GPHN: variants seen among roughly 807,000 people sequenced by gnomAD.
GPHN encodes gephyrin.
A neutral mutation model predicts 95.5 loss-of-function variants in GPHN; 17 were observed. The ratio of observed to expected loss-of-function variants is 0.18; its 90% CI spans 0.12 to 0.27. The LOEUF (loss-of-function observed/expected upper bound fraction) is 0.27, where lower values mean the gene tolerates loss of function less well. Ranked by LOEUF, GPHN falls within the 10% of genes least tolerant of loss-of-function variation. The pLI, the probability that GPHN is intolerant of heterozygous loss-of-function variation, is 1.00. For synonymous variants in GPHN, 320 were observed against 322.5 expected, an observed-to-expected ratio of 0.99 and a Z score of 0.08; for missense variants, 660 against 978.1, an observed-to-expected ratio of 0.67 and a Z score of 4.34.
the GPHN span, among the ~76,000 whole-genome samples, chr14:67,622,463 T>A: frequency 6.6e-6 from 1 of 152,218 alleles, no homozygotes; most frequent in African/African-American, 2.4e-5. Flanking sequence ...ACCTTGTTTA[T>A]TAAATAATTG....
the GPHN span, among the ~76,000 whole-genome samples, chr14:67,596,258 A>T: frequency 2.2e-5 from 3 of 133,646 alleles, no homozygotes; most frequent in South Asian, 7.2e-4. Flanking sequence ...CCTCCCTAGT[A>T]GCTGGGATTA....
chr14:66,913,563 G>A (rs1435163471), intron 5 of GPHN, among the ~76,000 whole-genome samples: 3 of 151,948 alleles, frequency 2.0e-5, no homozygotes, highest in Non-Finnish European at 2.9e-5. Flanking sequence ...GGCTGGTCTC[G>A]AACTCTGACC....
the GPHN span, chr14:67,726,935 G>A: frequency 6.4e-7 from 1 of 1,562,434 alleles, no homozygotes; most frequent in Non-Finnish European, 8.8e-7. Context: ...TGCTGAGCCT[G>A]GGCTGTCATT....
chr14:67,121,009 G>T (rs1031992761), intron 16 of GPHN, among the ~76,000 whole-genome samples: 20 of 152,172 alleles, frequency 1.3e-4, no homozygotes, highest in African/African-American at 4.6e-4. Context: ...TGAGTCTGAA[G>T]GAAGATTAGG....
the GPHN span, among the ~76,000 whole-genome samples, chr14:67,532,199 C>T: frequency 6.6e-6 from 1 of 152,134 alleles, no homozygotes; most frequent in African/African-American, 2.4e-5. Context: ...TGAGAATGGC[C>T]TGGGGTACTT....
chr14:66,953,960 A>C (rs961343496), intron 8 of GPHN, among the ~76,000 whole-genome samples: 1 of 151,762 alleles, frequency 6.6e-6, no homozygotes, highest in African/African-American at 2.4e-5. Flanking sequence ...ACTTGAACCC[A>C]GGAGGCGGAG....
chr14:67,301,881 A>G, the GPHN span: 1 of 1,325,730 alleles, frequency 7.5e-7, no homozygotes, highest in Non-Finnish European at 1.0e-6. Context: ...TAAAGATTTA[A>G]TGGTCAGAAT....
At chr14:67,431,830 C>G in the GPHN span, among the ~76,000 whole-genome samples, 2,925 of 152,288 alleles carry the variant, frequency 0.019, 100 homozygotes, top group African/African-American at 0.067. Flanking sequence ...AGGGGGCAGT[C>G]AGTGCCCATA....
the GPHN span, among the ~76,000 whole-genome samples, chr14:67,379,844 C>T: frequency 1.3e-5 from 2 of 151,394 alleles, no homozygotes; most frequent in Non-Finnish European, 2.9e-5. Flanking sequence ...TTAGTAGAGA[C>T]GAGGTTTCAC....
At chr14:67,512,643 G>A in the GPHN span, among the ~76,000 whole-genome samples, 4 of 152,110 alleles carry the variant, frequency 2.6e-5, no homozygotes, top group Admixed American at 2.0e-4. Context: ...TACAGTTGCC[G>A]ATAAGACCAA....
At chr14:67,471,082 C>T in the GPHN span, 4 of 152,378 alleles carry the variant, frequency 2.6e-5, no homozygotes, top group South Asian at 8.3e-4. Flanking sequence ...TGAGGGGCAA[C>T]TGGAGAAATG....
chr14:66,917,479 A>G (rs1018503066), intron 6 of GPHN, among the ~76,000 whole-genome samples: 1 of 152,168 alleles, frequency 6.6e-6, no homozygotes, highest in Non-Finnish European at 1.5e-5. Flanking sequence ...TGCATAACCT[A>G]TCCATTCATT....
At chr14:67,076,552 A>G (rs1192440890) in intron 11 of GPHN, among the ~76,000 whole-genome samples, 1 of 152,098 alleles carries the variant, frequency 6.6e-6, no homozygotes, top group African/African-American at 2.4e-5. Flanking sequence ...TATTGTTCCT[A>G]CTGATGGTCA....
intron 8 of GPHN, among the ~76,000 whole-genome samples, chr14:66,925,542 G>C (rs546977658): frequency 1.1e-4 from 17 of 151,888 alleles, no homozygotes; most frequent in Non-Finnish European, 2.4e-4. Context: ...TTGTCTTTTT[G>C]TGCCTGGCTT....
chr14:67,614,695 A>C, the GPHN span, among the ~76,000 whole-genome samples: 1 of 152,120 alleles, frequency 6.6e-6, no homozygotes, highest in South Asian at 2.1e-4. Flanking sequence ...CCAGGAGGTC[A>C]AGGTTGCTGT....
chr14:67,358,411 T>G, the GPHN span, among the ~76,000 whole-genome samples: 1 of 152,158 alleles, frequency 6.6e-6, no homozygotes, highest in Admixed American at 6.5e-5. Context: ...TAACTTTTAT[T>G]TTAAGCATCC....
chr14:66,968,275 G>A (rs1187162441), intron 9 of GPHN, among the ~76,000 whole-genome samples: 1 of 152,000 alleles, frequency 6.6e-6, no homozygotes, highest in African/African-American at 2.4e-5. Context: ...ACCAAGTCTT[G>A]AGGGTAAAAG....
chr14:67,658,342 C>T, the GPHN span, among the ~76,000 whole-genome samples: 2 of 152,084 alleles, frequency 1.3e-5, no homozygotes, highest in African/African-American at 4.8e-5. Flanking sequence ...TGCCTGTAAT[C>T]CCAGCACTTT....
chr14:67,259,332 TG>T, the GPHN span, among the ~76,000 whole-genome samples: 2 of 151,466 alleles, frequency 1.3e-5, no homozygotes, highest in Non-Finnish European at 2.9e-5. Flanking sequence ...AAGGCCAGGC[TG>T]GGGGCGGTGG....
Sources: gnomAD v4.1 joint callset for allele counts (sites outside exome capture counted in the v4.1 genomes callset) on GRCh38, gnomAD v4.1.1 for gene constraint, MANE v1.5 for transcripts, NCBI Gene and HGNC (gene_info 2026-07-23, HGNC 2026-07-21) for gene names.